GLIS3: variants seen among roughly 807,000 people sequenced by gnomAD.
The protein encoded by GLIS3 is GLIS family zinc finger 3, also known as zinc finger protein GLIS3.
Under a neutral mutation model 78.6 loss-of-function variants are expected in GLIS3, and 53 were observed. The ratio of observed to expected loss-of-function variants is 0.67; its 90% confidence interval spans 0.54 to 0.85. The LOEUF is 0.85. GLIS3 is among the 40% of genes least tolerant of loss of function. GLIS3 has a pLI of 0.00. For missense variants in GLIS3, 1,703 were observed against 1,231.1 expected (o/e 1.38, Z -5.74); for synonymous variants, 684 against 509.9 (o/e 1.34, Z -4.60).
At chr9:3,964,006 C>T (rs1261981114) in intron 4 of GLIS3, among the ~76,000 whole-genome samples, 2 of 152,142 alleles carry the variant, frequency 1.3e-5, no homozygotes, top group African/African-American at 4.8e-5. Context: ...CATGCATGTT[C>T]TGAGTAAACA....
At chr9:4,194,388 G>A (rs1010033131) in intron 2 of GLIS3, among the ~76,000 whole-genome samples, 1 of 152,022 alleles carries the variant, frequency 6.6e-6, no homozygotes, top group Admixed American at 6.5e-5. Context: ...AAAGGCAGAG[G>A]TAAAAAATAA....
intron 4 of GLIS3, among the ~76,000 whole-genome samples, chr9:3,955,290 C>A (rs1339364767): frequency 6.6e-6 from 1 of 152,160 alleles, no homozygotes; most frequent in East Asian, 1.9e-4. Flanking sequence ...ACATTGAAAG[C>A]TGAAGGTCAA....
chr9:4,065,289 G>C (rs1250147198), intron 4 of GLIS3, among the ~76,000 whole-genome samples: 1 of 152,268 alleles, frequency 6.6e-6, no homozygotes, highest in East Asian at 1.9e-4. Flanking sequence ...GGCAGAAAAA[G>C]GAGCATTAGA....
intron 2 of GLIS3, among the ~76,000 whole-genome samples, chr9:4,259,491 T>A (rs7023102): frequency 0.14 from 21,226 of 152,044 alleles, 1,607 homozygotes; most frequent in Non-Finnish European, 0.16. Context: ...GGGAGGAGTT[T>A]AAGTTGACTA....
intron 2 of GLIS3, among the ~76,000 whole-genome samples, chr9:4,213,820 A>G (rs1820577268): frequency 6.6e-6 from 1 of 152,130 alleles, no homozygotes; most frequent in Non-Finnish European, 1.5e-5. Flanking sequence ...TTAATCAAGC[A>G]TCTATAATGG....
intron 4 of GLIS3, among the ~76,000 whole-genome samples, chr9:4,103,106 G>C (rs191869749): frequency 6.6e-6 from 1 of 152,140 alleles, no homozygotes; most frequent in African/African-American, 2.4e-5. Context: ...TTTTCCAAAA[G>C]CTAAAACACA....
intron 7 of GLIS3, among the ~76,000 whole-genome samples, chr9:3,897,932 T>C (rs1822980762): frequency 6.6e-6 from 1 of 152,220 alleles, no homozygotes; most frequent in Admixed American, 6.5e-5. Flanking sequence ...GTCTGGAATG[T>C]GGAGCTGGTA....
intron 2 of GLIS3, among the ~76,000 whole-genome samples, chr9:4,221,761 T>C (rs1218993913): frequency 3.3e-5 from 5 of 152,228 alleles, no homozygotes. Context: ...AAAAGCACCG[T>C]GTGCCTCCAA....
At chr9:4,232,030 G>C (rs542340474) in intron 2 of GLIS3, among the ~76,000 whole-genome samples, 1 of 152,056 alleles carries the variant, frequency 6.6e-6, no homozygotes, top group Non-Finnish European at 1.5e-5. Flanking sequence ...CTTTGTATAG[G>C]ATTTGTATAA....
chr9:4,180,724 T>C (rs1257708656), intron 2 of GLIS3, among the ~76,000 whole-genome samples: 2 of 152,208 alleles, frequency 1.3e-5, no homozygotes, highest in South Asian at 2.1e-4. Flanking sequence ...GATTTTATTT[T>C]ACATATGTAA....
At chr9:4,296,006 GGAAAAGT>G (rs1164070000) in intron 1 of GLIS3, among the ~76,000 whole-genome samples, 1 of 151,820 alleles carries the variant, frequency 6.6e-6, no homozygotes, top group Non-Finnish European at 1.5e-5. Flanking sequence ...CCAAACTTAG[GGAAAAGT>G]AAAACAGTTA....
rs1043480828 is a variant in GLIS3 at position 3,827,997 on chromosome 9, A to G, written c.*275T>C. ...TAAGGGTTGACAGCCAGGAAGTAACAGGTATCCAGGAGAGTGAGGCTCTAA... is the reference window on the plus strand; with the variant it reads ...TAAGGGTTGACAGCCAGGAAGTAACGGGTATCCAGGAGAGTGAGGCTCTAA... On this transcript the variant is annotated 3_prime_UTR_variant, in exon 11 of 11. Transcript: ENST00000381971. The G allele has an allele frequency of 1.9e-5, 9 of 483,476 alleles. No homozygotes were observed. The highest frequency in any genetic ancestry group is 1.6e-4 in the African/African-American group (8 of 51,192). The allele number at this position is 483,476 out of a possible 1,614,324, so 29.9% of individuals were successfully genotyped here.
intron 2 of GLIS3, among the ~76,000 whole-genome samples, chr9:4,331,443 G>T (rs1817684931): frequency 6.6e-6 from 1 of 152,038 alleles, no homozygotes; most frequent in African/African-American, 2.4e-5. Context: ...AATTTCGGGG[G>T]GACACTATTC....
intron 2 of GLIS3, among the ~76,000 whole-genome samples, chr9:4,174,357 T>C (rs1816639356): frequency 6.6e-6 from 1 of 152,186 alleles, no homozygotes; most frequent in Non-Finnish European, 1.5e-5. Context: ...AAACAGATAC[T>C]TTCCAATTCA....
rs560763204 is a variant in GLIS3 at position 3,969,772 on chromosome 9, G to A, written c.1711-32583C>T. Among the ~76,000 whole-genome samples, 20 of 152,280 alleles carry A rather than the reference G, an allele frequency of 1.3e-4. No individual in the cohort carries two copies. The South Asian group carries it at 1.9e-3, about 14-fold the overall frequency. ...ATGACCAAGCTTGTCAGAAGCCCCA[G>A]ATGGTTGCTTTCAGTCACTCCTAAT... On this transcript the variant is annotated intron_variant, in intron 4 of 10. Transcript: ENST00000381971.
In GLIS3 at chr9:3,878,203, G is replaced by A. The variant is rs146414408; in HGVS notation, c.2297+1224C>T. ...CTGTGTCTTTCTTTCCCTCACCCCC[G>A]AGACAGATTTAGAGACATCCTCTTT... On this transcript the variant is annotated intron_variant, in intron 8 of 10. Coordinates refer to ENST00000381971, the MANE Select transcript of GLIS3 (RefSeq NM_001042413.2). Among the ~76,000 whole-genome samples the A allele has an allele frequency of 1.5e-3, 235 of 151,800 alleles. 1 individual carries two copies. Among genetic ancestry groups the A allele is most frequent in the African/African-American group, 5.6e-3 (231 of 41,346 alleles).
rs746681967 is a variant in GLIS3 at position 4,118,438 on chromosome 9, ACCT to A, written c.1037_1039del (p.Glu346del). 1 of 1,612,160 alleles carries A rather than the reference ACCT, an allele frequency of 6.2e-7. No homozygotes were observed. Among genetic ancestry groups the A allele is most frequent in the East Asian group, 2.2e-5 (1 of 44,852 alleles). On this transcript the variant is annotated inframe_deletion, in exon 4 of 11. Coordinates refer to ENST00000381971, the MANE Select transcript of GLIS3 (RefSeq NM_001042413.2). This position sits in a 1 kb window ranked among gnomAD's most constrained non-coding sequence, Gnocchi z 4.7. The stretch of plus-strand genomic sequence containing the variant: ...GCGCACGCCCAGGAAATGCCCGTAG[ACCT>A]CCGGCTGCGGGGACAGGTTGGCCGG...
chr9:4,257,286 A>G (rs527998855), intron 2 of GLIS3, among the ~76,000 whole-genome samples: 2 of 152,320 alleles, frequency 1.3e-5, no homozygotes, highest in African/African-American at 4.8e-5. Flanking sequence ...TAAAATTTTT[A>G]AAAATTGAAT....
At chr9:4,307,900 T>C (rs1241126910) in intron 4 of GLIS3, among the ~76,000 whole-genome samples, 1 of 152,200 alleles carries the variant, frequency 6.6e-6, no homozygotes, top group East Asian at 1.9e-4. Context: ...GTCAGACTTC[T>C]ATCCTACAAA....
Sources: gnomAD v4.1 joint callset for allele counts (sites outside exome capture counted in the v4.1 genomes callset) on GRCh38, gnomAD v4.1.1 for gene constraint, Gnocchi (gnomAD v3.1) non-coding constraint, MANE v1.5 for transcripts, NCBI Gene and HGNC (gene_info 2026-07-23, HGNC 2026-07-21) for gene names.